The following TAFA2 variants were observed in gnomAD, a reference collection of about 807,000 sequenced individuals.
The protein encoded by TAFA2 is TAFA chemokine like family member 2.
A neutral mutation model predicts 18.8 loss-of-function variants in TAFA2; 7 were observed. The ratio of observed to expected loss-of-function variants is 0.37; its 90% CI spans 0.21 to 0.70. The LOEUF (loss-of-function observed/expected upper bound fraction) is 0.70, where lower values mean the gene tolerates loss of function less well. Ranked by LOEUF, TAFA2 falls within the 30% of genes least tolerant of loss-of-function variation. TAFA2 has a pLI of 0.53. For missense variants in TAFA2, 122 were observed against 158.1 expected (o/e 0.77, Z 1.23); for synonymous variants, 60 against 54.2 (o/e 1.11, Z -0.47).
At chr12:61,850,936 T>A (rs542134762) in intron 2 of TAFA2, among the ~76,000 whole-genome samples, 1 of 152,160 alleles carries the variant, frequency 6.6e-6, no homozygotes, top group Non-Finnish European at 1.5e-5. Flanking sequence ...AACAAAGATA[T>A]CTGCTATCAT....
At chr12:62,015,066 G>A (rs1375400135) in intron 1 of TAFA2, among the ~76,000 whole-genome samples, 7 of 152,166 alleles carry the variant, frequency 4.6e-5, no homozygotes, top group African/African-American at 1.2e-4. Context: ...TCCCCTATAT[G>A]AGAAAACAGC....
intron 1 of TAFA2, among the ~76,000 whole-genome samples, chr12:62,133,416 T>G (rs1046668884): frequency 6.6e-6 from 1 of 151,896 alleles, no homozygotes; most frequent in African/African-American, 2.4e-5. Context: ...TCTGGAACCC[T>G]CTTTCCTTTT....
intron 1 of TAFA2, among the ~76,000 whole-genome samples, chr12:61,871,924 C>G (rs1424919198): frequency 1.3e-5 from 2 of 152,076 alleles, no homozygotes; most frequent in African/African-American, 2.4e-5. Flanking sequence ...AACCCTGTCT[C>G]TACTAAAAAT....
At chr12:62,052,470 G>A (rs893744297) in intron 1 of TAFA2, among the ~76,000 whole-genome samples, 2 of 152,204 alleles carry the variant, frequency 1.3e-5, no homozygotes, top group African/African-American at 4.8e-5. Context: ...GGAAATACAA[G>A]TGTGAGCCAC....
chr12:61,779,443 T>A (rs1443931362), intron 2 of TAFA2, among the ~76,000 whole-genome samples: 2 of 151,890 alleles, frequency 1.3e-5, no homozygotes, highest in African/African-American at 4.8e-5. Flanking sequence ...ATGCTATTAA[T>A]AATTATTCTG....
intron 1 of TAFA2, among the ~76,000 whole-genome samples, chr12:61,926,254 C>G (rs1175817138): frequency 1.3e-5 from 2 of 152,224 alleles, no homozygotes; most frequent in South Asian, 4.1e-4. Context: ...CAGCCAAATT[C>G]TACCAGAGGT....
At chr12:61,960,074 G>A (rs1051175504) in intron 1 of TAFA2, among the ~76,000 whole-genome samples, 20 of 152,072 alleles carry the variant, frequency 1.3e-4, no homozygotes, top group Admixed American at 1.1e-3. Context: ...AGCATGGCTG[G>A]TGTGTGTGCT....
chr12:61,769,561 A>C (rs1869936908), intron 2 of TAFA2, among the ~76,000 whole-genome samples: 1 of 152,088 alleles, frequency 6.6e-6, no homozygotes, highest in Admixed American at 6.6e-5. Context: ...ATCACATCAC[A>C]GGACTCTTTG....
chr12:61,907,332 C>T (rs993914232), intron 1 of TAFA2, among the ~76,000 whole-genome samples: 1 of 152,198 alleles, frequency 6.6e-6, no homozygotes, highest in Non-Finnish European at 1.5e-5. Flanking sequence ...TGCATCCCAG[C>T]TGCTTCAACT....
chr12:62,163,085 A>G (rs769072819), intron 1 of TAFA2, among the ~76,000 whole-genome samples: 2 of 152,116 alleles, frequency 1.3e-5, no homozygotes, highest in Non-Finnish European at 2.9e-5. Flanking sequence ...GCTGGAAGAC[A>G]AAACCAGTAA....
At chr12:62,065,701 C>CTGTG (rs140275505) in intron 1 of TAFA2, among the ~76,000 whole-genome samples, 1 of 150,264 alleles carries the variant, frequency 6.7e-6, no homozygotes, top group African/African-American at 2.4e-5. Flanking sequence ...GATAAAAATT[C>CTGTG]TGTGTGTGTG....
intron 1 of TAFA2, among the ~76,000 whole-genome samples, chr12:61,991,707 T>C (rs953182873): frequency 6.6e-6 from 1 of 152,174 alleles, no homozygotes; most frequent in Non-Finnish European, 1.5e-5. Flanking sequence ...CTTAAAAGAT[T>C]TTTCTGTGCT....
At chr12:62,221,569 A>G (rs1368502144) in intron 1 of TAFA2, among the ~76,000 whole-genome samples, 1 of 152,172 alleles carries the variant, frequency 6.6e-6, no homozygotes, top group Non-Finnish European at 1.5e-5. Flanking sequence ...TGAATACTTA[A>G]TATATGACAG....
chr12:62,219,366 T>C (rs966420632), intron 1 of TAFA2, among the ~76,000 whole-genome samples: 1 of 152,134 alleles, frequency 6.6e-6, no homozygotes, highest in Non-Finnish European at 1.5e-5. Context: ...ACAAGTGCTT[T>C]TGGAAATGCA....
chr12:61,761,372 G>A (rs1172998582), intron 2 of TAFA2, among the ~76,000 whole-genome samples: 1 of 151,940 alleles, frequency 6.6e-6, no homozygotes, highest in African/African-American at 2.4e-5. Flanking sequence ...ACATCTGATT[G>A]ATCACTTGTG....
chr12:61,857,643 T>C (rs897878781), intron 2 of TAFA2, among the ~76,000 whole-genome samples: 2 of 152,194 alleles, frequency 1.3e-5, no homozygotes, highest in African/African-American at 4.8e-5. Flanking sequence ...GGATTCCCAA[T>C]TGGCCTGAAC....
At chr12:61,947,225 C>T (rs1384524094) in intron 1 of TAFA2, among the ~76,000 whole-genome samples, 1 of 147,124 alleles carries the variant, frequency 6.8e-6, no homozygotes, top group Admixed American at 6.9e-5. Flanking sequence ...CCAAACACCG[C>T]ATATTCTCAC....
intron 1 of TAFA2, among the ~76,000 whole-genome samples, chr12:62,080,861 TC>T (rs146517188): frequency 0.11 from 16,622 of 152,174 alleles, 1,053 homozygotes; most frequent in Non-Finnish European, 0.14. Context: ...AAAAGTAGCC[TC>T]CTAAACCTTT....
chr12:61,717,855 A>G (rs1869729917), intron 4 of TAFA2, among the ~76,000 whole-genome samples: 1 of 152,136 alleles, frequency 6.6e-6, no homozygotes, highest in Admixed American at 6.6e-5. Flanking sequence ...AGAACTCTGG[A>G]TAAGTCACTT....
Sources: gnomAD v4.1 joint callset for allele counts (sites outside exome capture counted in the v4.1 genomes callset) on GRCh38, gnomAD v4.1.1 for gene constraint, MANE v1.5 for transcripts, NCBI Gene and HGNC (gene_info 2026-07-23, HGNC 2026-07-21) for gene names.